Variants in NLRC5 observed in about 807,000 individuals in gnomAD.
The protein encoded by NLRC5 is protein NLRC5.
A neutral mutation model predicts 206.9 loss-of-function variants in NLRC5; 114 were observed. The observed-to-expected ratio is 0.55, with a 90% confidence interval of 0.47 to 0.64. The LOEUF is 0.64. Among genes scored for constraint, NLRC5 ranks in the 30% least tolerant of loss-of-function variants. The probability of loss-of-function intolerance (pLI) is 0.00; values close to 1 mark genes in which losing one functional copy is unlikely to be tolerated. For missense variants in NLRC5, 2,008 were observed against 2,305.5 expected, an observed-to-expected ratio of 0.87 and a Z score of 2.64; for synonymous variants, 952 against 962.8, an observed-to-expected ratio of 0.99 and a Z score of 0.21.
At chr16:56,993,653 T>C (rs938899957) in intron 1 of NLRC5, among the ~76,000 whole-genome samples, 1 of 152,226 alleles carries the variant, frequency 6.6e-6, no homozygotes, top group Non-Finnish European at 1.5e-5. Context: ...GTGTTTTTTA[T>C]GCCTCTTATT....
Position 57,082,449 on chromosome 16 carries a change from C to G in NLRC5, c.5522C>G (p.Ala1841Gly). The change falls in exon 49 of 49, where the codon GCC becomes GGC. Residue 1841 changes from alanine (A) to glycine (G), a missense_variant. Transcript: ENST00000688547. ...LWNNPIPCDM[A>G]QHLKSQEPRL... is the part of the protein sequence containing the mutation. ...AATAACCCCATTCCCTGCGACATGG[C>G]CCAGCACCTGAAGAGCCAGGAGCCC... The G allele has an allele frequency of 6.2e-7, 1 of 1,613,784 alleles. No homozygotes were observed. Among genetic ancestry groups the G allele is most frequent in the Non-Finnish European group, 8.5e-7 (1 of 1,179,802 alleles).
intron 47 of NLRC5, 81 bp downstream of exon 47, chr16:57,081,262 C>A: frequency 7.5e-7 from 1 of 1,337,216 alleles, no homozygotes; most frequent in East Asian, 2.5e-5. Context: ...CTGGGTCAGT[C>A]CCCTGCCTCC....
At chr16:57,038,404 T>C (rs1014422263) in intron 15 of NLRC5, among the ~76,000 whole-genome samples, 17 of 152,116 alleles carry the variant, frequency 1.1e-4, no homozygotes, top group Admixed American at 6.6e-5. Flanking sequence ...ATTACAGTCA[T>C]GAGTCACTAT....
chr16:57,028,449 C>T, intron 8 of NLRC5, 64 bp downstream of exon 8: 1 of 1,265,272 alleles, frequency 7.9e-7, no homozygotes. Context: ...TCCCAGAGTC[C>T]CCCTGGGGCC....
At chr16:57,054,862 C>T in intron 25 of NLRC5, 22 bp downstream of exon 25, 1 of 1,610,426 alleles carries the variant, frequency 6.2e-7, no homozygotes, top group African/African-American at 1.3e-5. Flanking sequence ...CCTGGGACAG[C>T]CAGGACTCGT....
At position 57,082,692 on chromosome 16, in the gene NLRC5, C is replaced by T. The variant is rs1162347389; in HGVS notation, c.*164C>T. 1.7e-6 allele frequency: 1 copy of T among 573,276 alleles called. No individual in the cohort carries two copies. Among genetic ancestry groups the T allele is most frequent in the African/African-American group, 1.9e-5 (1 of 53,348 alleles). 35.5% of individuals were successfully genotyped at this position (573,276 alleles called of 1,614,324 possible). On this transcript the variant is annotated 3_prime_UTR_variant, in exon 49 of 49. Transcript: ENST00000688547. ...GTCCTGCTGCAGTCCTCAGGGAGAA[C>T]TTTTTTGGGAACCAGGAGCTGGGTC...
rs529147067 is a variant in NLRC5 at position 57,033,803 on chromosome 16, G to A, written c.2543+134G>A. The A allele has an allele frequency of 6.1e-5, 50 of 816,494 alleles. 1 individual carries two copies. In the South Asian group the frequency reaches 7.1e-4, roughly 12 times the overall value. The allele number at this position is 816,494 out of a possible 1,614,324, so 50.6% of individuals were successfully genotyped here. ...AGGGAAAGGATTAGCCGGGTGTGGT[G>A]CCCATCCTGGATAGCCCATCCTGGC... On this transcript the variant is annotated intron_variant, in intron 12 of 48. Transcript: ENST00000688547.
At chr16:57,013,177 A>G (rs1339321399) in intron 1 of NLRC5, 1 of 375,910 alleles carries the variant, frequency 2.7e-6, no homozygotes, top group Non-Finnish European at 5.1e-6. Flanking sequence ...TCCTTTACCA[A>G]AGGGATTGAC....
Position 57,036,180 on chromosome 16 carries a change from T to A in NLRC5, c.2708T>A (p.Leu903Gln). 1 of 1,612,866 alleles carries A rather than the reference T, an allele frequency of 6.2e-7. No homozygotes were observed. The highest frequency in any genetic ancestry group is 8.5e-7 in the Non-Finnish European group (1 of 1,179,842). Residue 903 changes from leucine (L) to glutamine (Q), a missense_variant, in exon 14 of 49, where the codon CTG becomes CAG. Coordinates refer to ENST00000688547, the MANE Select transcript of NLRC5 (RefSeq NM_001384950.1). ...TCCCAGCTGCACATCGCCAGGAAGC[T>A]GGAGTGAGTTGTCCACCCCACCGCT... is the stretch of plus-strand genomic sequence containing the variant. Reference protein sequence around the residue: ...AASQLHIARKLDLSNNGLSVA... With the variant: ...AASQLHIARKQDLSNNGLSVA...
rs199738641 is a variant in NLRC5, at chr16:57,055,505, C to A, written c.3732C>A (p.Asp1244Glu). The A allele has an allele frequency of 4.3e-6, 7 of 1,613,504 alleles. 1 individual carries two copies. The South Asian group carries it at 5.5e-5, about 13-fold the overall frequency. ...GCTGGTTGCTGAGCAAGTGTAAAGA[C>A]CTCAGCCAGGTGGAGTAAGTTGAGG... ...SLCWLLSKCK[D>E]LSQVDLSANL... is the part of the protein sequence containing the mutation. Residue 1244 changes from aspartate (D) to glutamate (E), a missense_variant, in exon 27 of 49, where the codon GAC (aspartate) becomes GAA (glutamate). By Grantham distance (45) the Asp-to-Glu change is conservative. Transcript: ENST00000688547.
chr16:57,031,484 G>A (rs2061879379), intron 11 of NLRC5, 21 bp downstream of exon 11: 1 of 1,613,270 alleles, frequency 6.2e-7, no homozygotes, highest in Non-Finnish European at 8.5e-7. Flanking sequence ...AAGAGGCGGT[G>A]GGCCTGGGGC....
intron 1 of NLRC5, among the ~76,000 whole-genome samples, chr16:57,006,870 G>A (rs1172983477): frequency 8.6e-6 from 1 of 116,466 alleles, no homozygotes. Flanking sequence ...TTGAGACAGG[G>A]TCACAAAACC....
chr16:57,018,699 G>A (rs2060343247), intron 2 of NLRC5, among the ~76,000 whole-genome samples: 2 of 152,184 alleles, frequency 1.3e-5, no homozygotes, highest in Non-Finnish European at 2.9e-5. Context: ...GTTAGAGGTG[G>A]ACTCTCTGGA....
chr16:57,017,921 T>C (rs145529261), intron 2 of NLRC5, among the ~76,000 whole-genome samples: 1 of 152,312 alleles, frequency 6.6e-6, no homozygotes, highest in East Asian at 1.9e-4. Context: ...TCGTCCTCTG[T>C]CTCCAAGATT....
intron 32 of NLRC5, among the ~76,000 whole-genome samples, chr16:57,064,883 C>G (rs968962429): frequency 6.6e-6 from 1 of 152,016 alleles, no homozygotes. Context: ...GAGATCATGC[C>G]ATTGCACTCC....
intron 38 of NLRC5, among the ~76,000 whole-genome samples, chr16:57,072,810 C>T (rs1354664217): frequency 2.0e-5 from 3 of 152,196 alleles, no homozygotes; most frequent in African/African-American, 7.2e-5. Context: ...GTGAATTTTT[C>T]TCCAGATTTT....
chr16:57,058,532 A>T lies in NLRC5; in HGVS notation c.3830+384A>T, dbSNP rs1597391848. On this transcript the variant is annotated intron_variant, in intron 28 of 48. Transcript: ENST00000688547. ...CTTCTGACCCAATCTGTGGAACATA[A>T]ATGTGGAGATGTCCCTGTGGCAGGC... The T allele has an allele frequency of 2.2e-5, 7 of 324,506 alleles. No homozygotes were observed. In the East Asian group the frequency reaches 4.9e-4, roughly 23 times the overall value. 20.1% of individuals were successfully genotyped at this position (324,506 alleles called of 1,614,324 possible). A position where few individuals can be genotyped will look rare whatever the true frequency, so the allele number is the denominator to read the frequency against.
intron 1 of NLRC5, among the ~76,000 whole-genome samples, chr16:57,000,382 G>A (rs1157917109): frequency 6.6e-6 from 1 of 152,212 alleles, no homozygotes; most frequent in East Asian, 1.9e-4. Flanking sequence ...TTAAAGACTA[G>A]TGATGTGGGC....
chr16:56,991,952 C>G (rs1239907646), intron 1 of NLRC5: 2 of 152,192 alleles, frequency 1.3e-5, no homozygotes, highest in East Asian at 3.8e-4. Flanking sequence ...TGAGGTCATA[C>G]TGGAGTAGGA....
Sources: gnomAD v4.1 joint callset for allele counts (sites outside exome capture counted in the v4.1 genomes callset) on GRCh38, gnomAD v4.1.1 for gene constraint, MANE v1.5 for transcripts, NCBI Gene and HGNC (gene_info 2026-07-23, HGNC 2026-07-21) for gene names.